Variants in SH3RF2 observed in about 807,000 individuals in gnomAD.
SH3RF2 encodes the protein E3 ubiquitin-protein ligase SH3RF2.
Under a neutral mutation model 59.0 loss-of-function variants are expected in SH3RF2, and 43 were observed. That is an observed-to-expected ratio of 0.73 (90% CI 0.57 to 0.94). The LOEUF (loss-of-function observed/expected upper bound fraction) is 0.94. Ranked by LOEUF, SH3RF2 falls within the 40% of genes least tolerant of loss-of-function variation. The probability of loss-of-function intolerance (pLI) is 0.00; values close to 1 mark genes in which losing one functional copy is unlikely to be tolerated. For missense variants in SH3RF2, 930 were observed against 940.1 expected (o/e 0.99, Z 0.14); for synonymous variants, 391 against 391.5 (o/e 1.00, Z 0.01).
At chr5:145,982,180 C>T (rs1393633877) in intron 2 of SH3RF2, among the ~76,000 whole-genome samples, 1 of 152,150 alleles carries the variant, frequency 6.6e-6, no homozygotes, top group Non-Finnish European at 1.5e-5. Context: ...TTCCTAGCCT[C>T]CTAGGAGGAA....
chr5:146,011,254 C>G (rs1379273849), intron 4 of SH3RF2, among the ~76,000 whole-genome samples: 1 of 152,124 alleles, frequency 6.6e-6, no homozygotes, highest in African/African-American at 2.4e-5. Context: ...TGTTTAGGTA[C>G]CAGTACCATG....
chr5:145,999,025 T>C lies in SH3RF2; in HGVS notation c.379-1033T>C, dbSNP rs35280924. Among the ~76,000 whole-genome samples, 32 of 150,702 alleles carry C rather than the reference T, an allele frequency of 2.1e-4. No individual in the cohort carries two copies. The East Asian group carries it at 3.1e-3, about 15-fold the overall frequency. On this transcript the variant is annotated intron_variant, in intron 2 of 9. Coordinates refer to ENST00000359120, the MANE Select transcript of SH3RF2 (RefSeq NM_152550.4). ...AACTTAATTTAAAATACTTTATTAC[T>C]AAAAAAAAAACCTTAATGATGATCT...
intron 2 of SH3RF2, among the ~76,000 whole-genome samples, chr5:145,961,446 G>A (rs912135619): frequency 1.3e-5 from 2 of 152,122 alleles, no homozygotes; most frequent in Non-Finnish European, 2.9e-5. Flanking sequence ...TGAATAAAGT[G>A]ACTAACACTC....
chr5:145,963,790 T>C (rs1217064327), intron 2 of SH3RF2, among the ~76,000 whole-genome samples: 5 of 151,532 alleles, frequency 3.3e-5, no homozygotes, highest in Non-Finnish European at 5.9e-5. Context: ...TCTTGGAGTT[T>C]CCCTTAATAG....
chr5:145,975,001 C>G (rs1202113142), intron 2 of SH3RF2, among the ~76,000 whole-genome samples: 2 of 152,206 alleles, frequency 1.3e-5, no homozygotes, highest in Admixed American at 1.3e-4. Context: ...GAACTCTTTT[C>G]TGGCCCACCT....
At chr5:146,004,843 T>C (rs1760575069) in intron 4 of SH3RF2, among the ~76,000 whole-genome samples, 1 of 152,148 alleles carries the variant, frequency 6.6e-6, no homozygotes, top group South Asian at 2.1e-4. Flanking sequence ...GTTCTAAAGA[T>C]CTGTTTCATA....
intron 4 of SH3RF2, among the ~76,000 whole-genome samples, chr5:146,006,345 T>C (rs1190447387): frequency 6.6e-6 from 1 of 152,042 alleles, no homozygotes; most frequent in Non-Finnish European, 1.5e-5. Context: ...GATTTGAGCC[T>C]AGGAGGTCGT....
chr5:145,949,606 T>TG, intron 2 of SH3RF2, among the ~76,000 whole-genome samples: 1 of 151,906 alleles, frequency 6.6e-6, no homozygotes, highest in Admixed American at 6.6e-5. Flanking sequence ...CTCCTCAGAG[T>TG]GGTGAATTCC....
At chr5:146,033,452 T>A (rs11744447) in intron 5 of SH3RF2, among the ~76,000 whole-genome samples, 2 of 35,748 alleles carry the variant, frequency 5.6e-5, no homozygotes, top group East Asian at 6.7e-4. Flanking sequence ...AGCCCTTAGC[T>A]TTTTTTTTTT....
chr5:146,002,535 A>G (rs7702754), intron 3 of SH3RF2, among the ~76,000 whole-genome samples: 319 of 143,360 alleles, frequency 2.2e-3, no homozygotes, highest in African/African-American at 8.1e-3. Flanking sequence ...GAAGGAAGGA[A>G]GGATAACCTA....
At position 145,938,181 on chromosome 5, in the gene SH3RF2, G is replaced by C. The variant is rs967583080; in HGVS notation, c.253G>C (p.Gly85Arg). Residue 85 changes from glycine (G) to arginine (R), a missense_variant, in exon 2 of 10, where the codon GGG (glycine) becomes CGG (arginine). Coordinates refer to ENST00000359120, the MANE Select transcript of SH3RF2 (RefSeq NM_152550.4). ...GCGCTCAGGGCAGAGCTCCGGGAGAGGGGGCTCCTTCCGCAGGCCTGGCAC... is the reference window on the plus strand; with the variant it reads ...GCGCTCAGGGCAGAGCTCCGGGAGACGGGGCTCCTTCCGCAGGCCTGGCAC... ...GVRSGQSSGR[G>R]GSFRRPGTMT... The C allele has an allele frequency of 5.6e-6, 9 of 1,613,930 alleles. No individual in the cohort carries two copies. The African/African-American group carries it at 1.1e-4, about 19-fold the overall frequency.
chr5:146,033,471 T>TCC, intron 5 of SH3RF2, among the ~76,000 whole-genome samples: 1 of 126,906 alleles, frequency 7.9e-6, no homozygotes, highest in South Asian at 2.7e-4. Flanking sequence ...TTTTTTTTTT[T>TCC]TTTTTTTTTT....
chr5:145,955,194 A>G (rs929342802), intron 2 of SH3RF2, among the ~76,000 whole-genome samples: 8 of 152,294 alleles, frequency 5.3e-5, no homozygotes, highest in Admixed American at 4.6e-4. Context: ...ACCTGATCTG[A>G]TTTTCAGTTC....
At position 146,014,010 on chromosome 5, in the gene SH3RF2, G is replaced by A. The variant is rs1340622396; in HGVS notation, c.1008G>A (p.Val336=). Residue 336 remains valine (V), a synonymous_variant, in exon 5 of 10, where the codon GTG becomes GTA. Transcript: ENST00000359120. ...PVLISSSNPS[V]ITQPMEKADV... The stretch of plus-strand genomic sequence containing the variant: ...TCATCAGCTCCAGCAACCCCTCTGT[G>A]ATCACCCAGCCCATGGAGAAAGCAG... 2 of 1,613,960 alleles carry A rather than the reference G, an allele frequency of 1.2e-6. No homozygotes were observed. Among genetic ancestry groups the A allele is most frequent in the African/African-American group, 2.7e-5 (2 of 74,898 alleles).
chr5:146,017,965 T>G lies in SH3RF2; in HGVS notation c.1059+3904T>G, dbSNP rs148056960. ...TGAGTGATCACAAAAAGCCAGAAAC[T>G]ATAATAAGTGATTTACAAACATATG... On this transcript the variant is annotated intron_variant, in intron 5 of 9. Coordinates refer to ENST00000359120, the MANE Select transcript of SH3RF2 (RefSeq NM_152550.4). 9.0e-3 allele frequency among the ~76,000 whole-genome samples: 1,376 copies of G among 152,226 alleles called. 18 individuals are homozygous for G. Among genetic ancestry groups the G allele is most frequent in the African/African-American group, 0.031 (1,288 of 41,534 alleles).
intron 2 of SH3RF2, among the ~76,000 whole-genome samples, chr5:145,944,531 ATTTATTCATGC>A (rs913496259): frequency 2.0e-5 from 3 of 151,876 alleles, no homozygotes; most frequent in African/African-American, 4.8e-5. Flanking sequence ...TTCTCCTTCT[ATTTATTCATGC>A]TTGTACTTTA....
chr5:146,058,562 C>T (rs908400586), intron 8 of SH3RF2, among the ~76,000 whole-genome samples: 1 of 152,150 alleles, frequency 6.6e-6, no homozygotes, highest in African/African-American at 2.4e-5. Flanking sequence ...CAGACGTGGC[C>T]TTGGCTCAGA....
At chr5:146,003,122 G>T (rs1439214911) in intron 3 of SH3RF2, among the ~76,000 whole-genome samples, 1 of 152,170 alleles carries the variant, frequency 6.6e-6, no homozygotes, top group East Asian at 1.9e-4. Flanking sequence ...CTTGATGAAT[G>T]GTTTATGGAC....
intron 7 of SH3RF2, 24 bp from the exon 8 acceptor site, chr5:146,055,957 A>T (rs1762649369): frequency 4.1e-6 from 6 of 1,447,902 alleles, no homozygotes; most frequent in Non-Finnish European, 5.6e-6. Context: ...TTCTTCTCTT[A>T]AAAAAAAAAT....
Sources: gnomAD v4.1 joint callset for allele counts (sites outside exome capture counted in the v4.1 genomes callset) on GRCh38, gnomAD v4.1.1 for gene constraint, MANE v1.5 for transcripts, NCBI Gene and HGNC (gene_info 2026-07-23, HGNC 2026-07-21) for gene names.